SV2C: variants seen among roughly 807,000 people sequenced by gnomAD.
SV2C encodes the protein solute carrier family 22 member B3.
In SV2C, 49 loss-of-function variants were observed where a neutral mutation model predicts 79.7. The observed-to-expected ratio is 0.61, with a 90% CI of 0.49 to 0.78. The LOEUF (loss-of-function observed/expected upper bound fraction) is 0.78. SV2C is among the 30% of genes least tolerant of loss of function. The probability of loss-of-function intolerance (pLI) is 0.00; values close to 1 mark genes in which losing one functional copy is unlikely to be tolerated. For synonymous variants in SV2C, 334 were observed against 333.2 expected (o/e 1.00, Z -0.03); for missense variants, 833 against 912.9 (o/e 0.91, Z 1.13).
intron 2 of SV2C, among the ~76,000 whole-genome samples, chr5:76,135,613 C>T (rs1262179165): frequency 1.3e-5 from 2 of 152,152 alleles, no homozygotes; most frequent in East Asian, 1.9e-4. Flanking sequence ...AAGATGAACA[C>T]AGTGAGCACA....
chr5:76,282,620 C>T (rs942344101), intron 4 of SV2C, among the ~76,000 whole-genome samples: 2 of 152,214 alleles, frequency 1.3e-5, no homozygotes, highest in African/African-American at 4.8e-5. Flanking sequence ...AAGTGGCTCA[C>T]ATAACCTGTT....
At chr5:75,935,370 C>A in the SV2C span, among the ~76,000 whole-genome samples, 1 of 151,914 alleles carries the variant, frequency 6.6e-6, no homozygotes, top group South Asian at 2.1e-4. Flanking sequence ...TTAATAAGTA[C>A]CTGCTTTTGA....
chr5:76,142,664 G>GTTAAAAT (rs1749293299), intron 2 of SV2C, among the ~76,000 whole-genome samples: 1 of 151,940 alleles, frequency 6.6e-6, no homozygotes, highest in Admixed American at 6.6e-5. Context: ...CTTTTGTTTG[G>GTTAAAAT]GACATTTAGT....
chr5:76,326,833 G>C lies in SV2C; in HGVS notation c.*1286G>C, dbSNP rs1365715601. On this transcript the variant is annotated 3_prime_UTR_variant, in exon 13 of 13. Coordinates refer to ENST00000502798, the MANE Select transcript of SV2C (RefSeq NM_014979.4). Reference sequence around the variant, plus strand: ...AAGAGGTCAGCCAGGACATTCCCACGGGCCCGCTGTCAGCTACATGACCTT... The same window carrying C: ...AAGAGGTCAGCCAGGACATTCCCACCGGCCCGCTGTCAGCTACATGACCTT... 1 of 152,194 alleles carries C rather than the reference G, an allele frequency of 6.6e-6. No homozygotes were observed. The highest frequency in any genetic ancestry group is 1.5e-5 in the Non-Finnish European group (1 of 68,086). 9.4% of individuals were successfully genotyped at this position (152,194 alleles called of 1,614,324 possible). A position where few individuals can be genotyped will look rare whatever the true frequency, so the allele number is the denominator to read the frequency against.
At chr5:76,099,049 T>C (rs2112113890) in intron 1 of SV2C, among the ~76,000 whole-genome samples, 1 of 152,274 alleles carries the variant, frequency 6.6e-6, no homozygotes, top group East Asian at 1.9e-4. Context: ...ATATTATATA[T>C]TATTACCTTA....
chr5:76,262,132 TC>T (rs1177961449), intron 4 of SV2C, among the ~76,000 whole-genome samples: 2 of 152,060 alleles, frequency 1.3e-5, no homozygotes, highest in African/African-American at 4.8e-5. Context: ...ACTTGTCTAT[TC>T]AGGGATTCAA....
In SV2C at chr5:76,131,243, G is replaced by A. The variant is rs1222261606; in HGVS notation, c.-101-407G>A. 2.6e-5 allele frequency among the ~76,000 whole-genome samples: 4 copies of A among 152,118 alleles called. No homozygotes were observed. The East Asian group carries it at 7.7e-4, about 29-fold the overall frequency. On this transcript the variant is annotated intron_variant, in intron 1 of 12. Coordinates refer to ENST00000502798, the MANE Select transcript of SV2C (RefSeq NM_014979.4). ...TAGGATTCTTCTAATACTCTGGTTT[G>A]TCTTTGCAATATTTGTACGTGTCTG...
chr5:76,303,416 A>G (rs537775131), intron 12 of SV2C, among the ~76,000 whole-genome samples: 1 of 152,340 alleles, frequency 6.6e-6, no homozygotes, highest in East Asian at 1.9e-4. Context: ...GCTTGAGCCC[A>G]TTGTGCCACT....
intron 4 of SV2C, among the ~76,000 whole-genome samples, chr5:76,220,339 A>C (rs1228643134): frequency 3.9e-5 from 6 of 152,310 alleles, no homozygotes; most frequent in African/African-American, 1.4e-4. Context: ...ACTGGACCCC[A>C]GATTCTCTCC....
intron 12 of SV2C, among the ~76,000 whole-genome samples, chr5:76,309,073 C>A (rs192326885): frequency 1.3e-5 from 2 of 152,076 alleles, no homozygotes; most frequent in Admixed American, 6.5e-5. Context: ...AGGTGATAAC[C>A]AGTCAAAAAG....
intron 1 of SV2C, among the ~76,000 whole-genome samples, chr5:76,099,241 G>T (rs777395037): frequency 2.0e-5 from 3 of 152,046 alleles, no homozygotes; most frequent in Admixed American, 6.6e-5. Flanking sequence ...TTTAAAAATT[G>T]TATGATCTTT....
chr5:76,306,174 A>G (rs147523637), intron 12 of SV2C, among the ~76,000 whole-genome samples: 297 of 152,300 alleles, frequency 2.0e-3, no homozygotes, highest in Middle Eastern at 0.01. Flanking sequence ...CAGCTTACAA[A>G]GTAGCTGGAA....
intron 2 of SV2C, among the ~76,000 whole-genome samples, chr5:76,160,546 G>A (rs1348143563): frequency 6.6e-6 from 1 of 152,160 alleles, no homozygotes; most frequent in Non-Finnish European, 1.5e-5. Context: ...AATAAATTGG[G>A]CTTTAATAAA....
chr5:76,351,869 GCAT>G (rs1749648494), intron 12 of SV2C, among the ~76,000 whole-genome samples: 1 of 152,114 alleles, frequency 6.6e-6, no homozygotes, highest in South Asian at 2.1e-4. Context: ...GTCATTTAGA[GCAT>G]CATCATCAAG....
intron 1 of SV2C, among the ~76,000 whole-genome samples, chr5:76,091,975 C>T (rs1021651882): frequency 6.6e-6 from 1 of 152,134 alleles, no homozygotes; most frequent in Non-Finnish European, 1.5e-5. Flanking sequence ...AAATACTACA[C>T]AGCCACTGAA....
chr5:76,240,422 TCTCTCCAAAGAC>T (rs1312388518), intron 4 of SV2C, among the ~76,000 whole-genome samples: 2 of 152,172 alleles, frequency 1.3e-5, no homozygotes, highest in Non-Finnish European at 2.9e-5. Context: ...GCCTCAGGGC[TCTCTCCAAAGAC>T]CTCTCATCCC....
chr5:75,961,206 T>C, the SV2C span, among the ~76,000 whole-genome samples: 1 of 152,034 alleles, frequency 6.6e-6, no homozygotes, highest in East Asian at 1.9e-4. Flanking sequence ...ACAGCAGATA[T>C]CAAAGATGAC....
chr5:76,041,128 G>C, the SV2C span, among the ~76,000 whole-genome samples: 12 of 152,142 alleles, frequency 7.9e-5, no homozygotes, highest in African/African-American at 2.9e-4. Context: ...TGTGGGGCTT[G>C]AGCAAGAATA....
the SV2C span, among the ~76,000 whole-genome samples, chr5:75,933,550 G>C: frequency 6.6e-6 from 1 of 152,166 alleles, no homozygotes; most frequent in Non-Finnish European, 1.5e-5. Context: ...TATTCAAGGA[G>C]CCAGACTCCT....
Sources: allele counts gnomAD v4.1 joint callset (sites outside exome capture counted in the v4.1 genomes callset), GRCh38; gene constraint gnomAD v4.1.1; transcripts MANE v1.5; gene names NCBI Gene and HGNC (gene_info 2026-07-23, HGNC 2026-07-21).